Variants in SLC15A5 observed in about 807,000 individuals in gnomAD.
The protein encoded by SLC15A5 is Peptide/histidine transporter ENSP00000340402.
Under a neutral mutation model 56.1 loss-of-function variants are expected in SLC15A5, and 58 were observed. The observed-to-expected ratio is 1.03, with a 90% CI of 0.84 to 1.29. SLC15A5 has a LOEUF of 1.29. Ranked by LOEUF, SLC15A5 falls within the 50% of genes most tolerant of loss-of-function variation. The pLI is 0.00. For missense variants in SLC15A5, 681 were observed against 672.1 expected, an observed-to-expected ratio of 1.01 and a Z score of -0.15; for synonymous variants, 264 against 250.5, an observed-to-expected ratio of 1.05 and a Z score of -0.51.
intron 3 of SLC15A5, among the ~76,000 whole-genome samples, chr12:16,245,190 T>G (rs942140834): frequency 6.6e-6 from 1 of 152,244 alleles, no homozygotes; most frequent in African/African-American, 2.4e-5. Flanking sequence ...TACTATTTTT[T>G]CATATAAATT....
intron 7 of SLC15A5, among the ~76,000 whole-genome samples, chr12:16,215,811 CTCTA>C (rs1864125924): frequency 1.3e-5 from 2 of 152,216 alleles, no homozygotes; most frequent in Admixed American, 1.3e-4. Context: ...AACTCTGCTG[CTCTA>C]TCTATCATTG....
chr12:16,274,846 C>G (rs914608254), intron 1 of SLC15A5, among the ~76,000 whole-genome samples: 1 of 152,046 alleles, frequency 6.6e-6, no homozygotes, highest in African/African-American at 2.4e-5. Context: ...GAGAAAATGT[C>G]ATAATAGGCT....
chr12:16,213,215 G>T (rs1864099803), intron 7 of SLC15A5, among the ~76,000 whole-genome samples: 1 of 152,136 alleles, frequency 6.6e-6, no homozygotes, highest in Non-Finnish European at 1.5e-5. Flanking sequence ...AAAAGACTGG[G>T]ATAGTTTGTC....
chr12:16,240,810 T>C lies in SLC15A5; in HGVS notation c.976-943A>G, dbSNP rs1219742141. Among the ~76,000 whole-genome samples, 7 of 151,046 alleles carry C rather than the reference T, an allele frequency of 4.6e-5. 1 individual carries two copies. The Middle Eastern group carries it at 0.014, about 296-fold the overall frequency. On this transcript the variant is annotated intron_variant, in intron 4 of 8. Transcript: ENST00000344941. ...CAGCTTCATCAGCTTCATCATGATC[T>C]TTTTTATTTTTATTTTTTTTGAGAC...
rs1180514368 is a variant in SLC15A5 at position 16,235,202 on chromosome 12, G to A, written c.1162+4479C>T. 1.3e-5 allele frequency among the ~76,000 whole-genome samples: 2 copies of A among 149,796 alleles called. No individual in the cohort carries two copies. The highest frequency in any genetic ancestry group is 6.7e-5 in the Admixed American group (1 of 14,918). On this transcript the variant is annotated intron_variant, in intron 5 of 8. Transcript: ENST00000344941. This position sits in a 1 kb window ranked among gnomAD's most constrained non-coding sequence, Gnocchi z 4.1. ...TTTTTATTGTTTTCCCCTATTTGTG[G>A]CATGTTTTTATACATAATATATACA... is the stretch of plus-strand genomic sequence containing the variant.
At chr12:16,233,155 A>G (rs183010481) in intron 5 of SLC15A5, among the ~76,000 whole-genome samples, 21 of 152,300 alleles carry the variant, frequency 1.4e-4, no homozygotes, top group African/African-American at 3.6e-4. Context: ...TTTTACAACT[A>G]TCATGCACTT....
chr12:16,211,060 G>A (rs563932164), intron 7 of SLC15A5, among the ~76,000 whole-genome samples: 2 of 152,252 alleles, frequency 1.3e-5, no homozygotes, highest in South Asian at 4.2e-4. Context: ...GTGTGGGCCT[G>A]GCTAAGGGTG....
intron 7 of SLC15A5, among the ~76,000 whole-genome samples, chr12:16,199,112 T>G (rs529193090): frequency 6.6e-6 from 1 of 152,024 alleles, no homozygotes; most frequent in South Asian, 2.1e-4. Context: ...CCAATCACAT[T>G]TAGCCGACAG....
chr12:16,218,081 C>A (rs1864147615), intron 6 of SLC15A5, among the ~76,000 whole-genome samples: 1 of 151,852 alleles, frequency 6.6e-6, no homozygotes, highest in Admixed American at 6.6e-5. Flanking sequence ...TTTGGGATTG[C>A]TTCAAAATTA....
intron 8 of SLC15A5, among the ~76,000 whole-genome samples, chr12:16,193,747 A>G (rs1333270402): frequency 7.3e-6 from 1 of 136,182 alleles, no homozygotes; most frequent in Non-Finnish European, 1.6e-5. Flanking sequence ...GAATTTTCTC[A>G]AAAGTACACA....
In SLC15A5 at chr12:16,275,138, TTATATGG is replaced by T. The variant is rs1431477289; in HGVS notation, c.361+2180_361+2186del. Among the ~76,000 whole-genome samples the T allele has an allele frequency of 3.0e-4, 45 of 152,112 alleles. 1 individual carries two copies. The highest frequency in any genetic ancestry group is 9.6e-4 in the African/African-American group (40 of 41,520). ...AGTGATGGATGCAATCGTATAAGTA[TTATATGG>T]GTGTGGTTGAACACAGAGAAGCTAG... On this transcript the variant is annotated intron_variant, in intron 1 of 8. Transcript: ENST00000344941.
chr12:16,230,922 C>A (rs1242280286), intron 5 of SLC15A5, among the ~76,000 whole-genome samples: 17 of 145,928 alleles, frequency 1.2e-4, no homozygotes, highest in Non-Finnish European at 1.2e-4. Context: ...GACTCCGTCT[C>A]AAAAAAAAAA....
chr12:16,239,974 G>A lies in SLC15A5; in HGVS notation c.976-107C>T, dbSNP rs1056844792. The A allele has an allele frequency of 1.8e-5, 18 of 995,594 alleles. No homozygotes were observed. The African/African-American group carries it at 2.6e-4, about 15-fold the overall frequency. 61.7% of individuals were successfully genotyped at this position (995,594 alleles called of 1,614,324 possible). On this transcript the variant is annotated intron_variant, in intron 4 of 8. Coordinates refer to ENST00000344941, the MANE Select transcript of SLC15A5 (RefSeq NM_001170798.1). ...CTTGCACGTACTCTGTGATGGATGA[G>A]CTGGATGTTGCCTAGTTTTTCAAGT...
At chr12:16,244,837 A>T in intron 3 of SLC15A5, 37 bp from the exon 4 acceptor site, 1 of 1,510,268 alleles carries the variant, frequency 6.6e-7, no homozygotes, top group South Asian at 1.2e-5. Context: ...TTAGTATAGG[A>T]ATTGTTCTCC....
At chr12:16,222,136 G>C (rs771937785) in intron 6 of SLC15A5, among the ~76,000 whole-genome samples, 1 of 152,186 alleles carries the variant, frequency 6.6e-6, no homozygotes, top group Non-Finnish European at 1.5e-5. Context: ...ATTGAATGCT[G>C]TCTATATACG....
At chr12:16,244,891 C>G in intron 3 of SLC15A5, 91 bp from the exon 4 acceptor site, 1 of 1,354,660 alleles carries the variant, frequency 7.4e-7, no homozygotes, top group Non-Finnish European at 1.0e-6. Flanking sequence ...TTCAAGGATT[C>G]ACGGCAGTGA....
At chr12:16,262,196 A>G (rs934487579) in intron 2 of SLC15A5, among the ~76,000 whole-genome samples, 1 of 152,240 alleles carries the variant, frequency 6.6e-6, no homozygotes, top group Non-Finnish European at 1.5e-5. Flanking sequence ...GTACAGGGCT[A>G]ATTCGGCTAA....
intron 7 of SLC15A5, among the ~76,000 whole-genome samples, chr12:16,214,958 A>T (rs1165541998): frequency 6.6e-6 from 1 of 151,992 alleles, no homozygotes; most frequent in Non-Finnish European, 1.5e-5. Context: ...TAATCCCAGC[A>T]CTTTGGGAGG....
At chr12:16,198,022 A>G (rs1177927119) in intron 7 of SLC15A5, among the ~76,000 whole-genome samples, 1 of 152,164 alleles carries the variant, frequency 6.6e-6, no homozygotes, top group Non-Finnish European at 1.5e-5. Context: ...GAACAGGAGC[A>G]TGAGAAACAG....
Sources: allele counts gnomAD v4.1 joint callset (sites outside exome capture counted in the v4.1 genomes callset), GRCh38; gene constraint gnomAD v4.1.1; non-coding constraint Gnocchi (gnomAD v3.1); transcripts MANE v1.5; gene names NCBI Gene and HGNC (gene_info 2026-07-23, HGNC 2026-07-21).